Variants in SPINT1 observed in about 807,000 individuals in gnomAD.
SPINT1 encodes the protein kunitz-type protease inhibitor 1.
In SPINT1, 38 loss-of-function variants were observed where a neutral mutation model predicts 53.7. The ratio of observed to expected loss-of-function variants is 0.71; its 90% CI spans 0.55 to 0.93. The LOEUF (loss-of-function observed/expected upper bound fraction) is 0.93. Ranked by LOEUF, SPINT1 falls within the 40% of genes least tolerant of loss-of-function variation. The pLI is 0.00. For missense variants in SPINT1, 645 were observed against 692.9 expected (o/e 0.93, Z 0.78); for synonymous variants, 283 against 280.6 (o/e 1.01, Z -0.08).
At chr15:40,851,768 C>G (rs1008384327) in intron 2 of SPINT1, among the ~76,000 whole-genome samples, 7 of 152,172 alleles carry the variant, frequency 4.6e-5, no homozygotes, top group African/African-American at 1.7e-4. Context: ...TGCCTGTAAT[C>G]CCAGCACTTT....
At chr15:40,845,077 G>T (rs371381706) in intron 2 of SPINT1, 48 bp downstream of exon 2, 2 of 1,486,462 alleles carry the variant, frequency 1.3e-6, no homozygotes, top group Non-Finnish European at 1.8e-6. Flanking sequence ...TCAAAAAAGG[G>T]ACTGGTTATG....
At position 40,844,165 on chromosome 15, in the gene SPINT1, C is replaced by T; in HGVS notation, c.-87C>T. The T allele has an allele frequency of 2.3e-6, 1 of 435,312 alleles. No individual in the cohort carries two copies. Among genetic ancestry groups the T allele is most frequent in the East Asian group, 9.0e-5 (1 of 11,086 alleles). 27.0% of individuals were successfully genotyped at this position (435,312 alleles called of 1,614,324 possible). A position where few individuals can be genotyped will look rare whatever the true frequency, so the allele number is the denominator to read the frequency against. On this transcript the variant is annotated 5_prime_UTR_variant, in exon 1 of 11. Transcript: ENST00000562057. This position sits in a 1 kb window ranked among gnomAD's most constrained non-coding sequence, Gnocchi z 5.8. ...GGACCGGAACCTCGGCGGACCCGGC[C>T]CCACCCAACTCACCTGCGCAGGTAA...
intron 2 of SPINT1, among the ~76,000 whole-genome samples, chr15:40,848,767 TGAA>T (rs1472280964): frequency 6.6e-6 from 1 of 152,168 alleles, no homozygotes; most frequent in Non-Finnish European, 1.5e-5. Flanking sequence ...CAAAACAAGA[TGAA>T]GAACTCAAAT....
chr15:40,851,588 C>T lies in SPINT1; in HGVS notation c.476-1536C>T, dbSNP rs28369017. 1.1e-3 allele frequency among the ~76,000 whole-genome samples: 166 copies of T among 152,264 alleles called. 4 individuals carry two copies. In the South Asian group the frequency reaches 0.025, roughly 23 times the overall value. The stretch of plus-strand genomic sequence containing the variant: ...CCTAGCCTGCCATGGCCTCCTTTCT[C>T]TGAATGTCCACTGCCTTGTTTAGTC... On this transcript the variant is annotated intron_variant, in intron 2 of 10. Coordinates refer to ENST00000562057, the MANE Select transcript of SPINT1 (RefSeq NM_003710.4).
At chr15:40,854,026 C>A in intron 5 of SPINT1, 34 bp from the exon 6 acceptor site, 1 of 1,412,936 alleles carries the variant, frequency 7.1e-7, no homozygotes, top group Non-Finnish European at 9.5e-7. Context: ...GGAGCCTGGT[C>A]ATGCCTCCTC....
intron 2 of SPINT1, among the ~76,000 whole-genome samples, chr15:40,852,774 CA>C (rs1891498362): frequency 6.6e-6 from 1 of 150,882 alleles, no homozygotes; most frequent in Non-Finnish European, 1.5e-5. Flanking sequence ...GAGGCCGAGG[CA>C]GGAGGATTGC....
intron 2 of SPINT1, among the ~76,000 whole-genome samples, chr15:40,852,528 G>A (rs1189317723): frequency 6.6e-6 from 1 of 152,130 alleles, no homozygotes; most frequent in African/African-American, 2.4e-5. Context: ...AGTCAAGGAA[G>A]GGCGTGGCTC....
Position 40,844,730 on chromosome 15 carries a change from C to T in SPINT1, c.176C>T (p.Pro59Leu). 3.7e-6 allele frequency: 6 copies of T among 1,609,442 alleles called. No homozygotes were observed. Among genetic ancestry groups the T allele is most frequent in the Non-Finnish European group, 5.1e-6 (6 of 1,177,282 alleles). Residue 59 changes from proline to leucine, a missense_variant, in exon 2 of 11, where the codon CCT (proline) becomes CTT (leucine). Pro to Leu is a moderately conservative substitution (Grantham distance 98). Coordinates refer to ENST00000562057, the MANE Select transcript of SPINT1 (RefSeq NM_003710.4). The surrounding 1 kb of genome is among the most constrained non-coding windows in gnomAD (Gnocchi z 5.8). Reference sequence around the variant, plus strand: ...CTGAACAGCTTTACCGCCGGGGTGCCTGGCTTCGTGCTGGACACCAACGCC... The same window carrying T: ...CTGAACAGCTTTACCGCCGGGGTGCTTGGCTTCGTGCTGGACACCAACGCC... ...DCLNSFTAGVPGFVLDTNASV... is the reference protein window; with the variant it reads ...DCLNSFTAGVLGFVLDTNASV...
chr15:40,848,233 G>A (rs1232971961), intron 2 of SPINT1, among the ~76,000 whole-genome samples: 1 of 152,126 alleles, frequency 6.6e-6, no homozygotes, highest in African/African-American at 2.4e-5. Context: ...CTTCATCAAA[G>A]AGGAATCCCT....
rs906356513 is a variant in SPINT1 at position 40,857,699 on chromosome 15, T to G, written c.*724T>G. On this transcript the variant is annotated 3_prime_UTR_variant, in exon 11 of 11. Transcript: ENST00000562057. ...TGGGCCAGGAGAGGGACTAGGTTGCTGGGGGGTGATGGGACCGTCCTGTTC... is the reference window on the plus strand; with the variant it reads ...TGGGCCAGGAGAGGGACTAGGTTGCGGGGGGGTGATGGGACCGTCCTGTTC... 4 of 152,304 alleles carry G rather than the reference T, an allele frequency of 2.6e-5. No homozygotes were observed. Among genetic ancestry groups the G allele is most frequent in the African/African-American group, 9.6e-5 (4 of 41,460 alleles). The allele number at this position is 152,304 out of a possible 1,614,324, so 9.4% of individuals were successfully genotyped here.
At chr15:40,856,644 T>G in intron 10 of SPINT1, 126 bp from the exon 11 acceptor site, 1 of 1,515,358 alleles carries the variant, frequency 6.6e-7, no homozygotes, top group Non-Finnish European at 8.8e-7. Context: ...GTGGGAGGTC[T>G]GAGTCGGGTG....
intron 2 of SPINT1, among the ~76,000 whole-genome samples, chr15:40,851,616 C>T (rs1185872221): frequency 6.6e-6 from 1 of 152,218 alleles, no homozygotes; most frequent in African/African-American, 2.4e-5. Flanking sequence ...GTTTAGTCCA[C>T]GTGTTGCTTC....
At chr15:40,848,254 C>T (rs1891352724) in intron 2 of SPINT1, among the ~76,000 whole-genome samples, 1 of 152,200 alleles carries the variant, frequency 6.6e-6, no homozygotes, top group Non-Finnish European at 1.5e-5. Flanking sequence ...GAGACTCGGC[C>T]TCCTACCAGC....
Position 40,856,983 on chromosome 15 carries a change from T to A in SPINT1, c.*8T>A. Reference sequence around the variant, plus strand: ...ACCACGCGGCCCCTCTGAGCCTGGGTCTCACCGGCTCTCACCTGGCCCTGC... The same window carrying A: ...ACCACGCGGCCCCTCTGAGCCTGGGACTCACCGGCTCTCACCTGGCCCTGC... On this transcript the variant is annotated 3_prime_UTR_variant, in exon 11 of 11. Coordinates refer to ENST00000562057, the MANE Select transcript of SPINT1 (RefSeq NM_003710.4). 1 of 1,612,174 alleles carries A rather than the reference T, an allele frequency of 6.2e-7. No homozygotes were observed. The highest frequency in any genetic ancestry group is 8.5e-7 in the Non-Finnish European group (1 of 1,178,598).
At chr15:40,853,667 G>A (rs748910361) in intron 4 of SPINT1, 40 bp downstream of exon 4, 1 of 1,613,978 alleles carries the variant, frequency 6.2e-7, no homozygotes, top group Admixed American at 1.7e-5. Flanking sequence ...AGCCCCCGCT[G>A]TGCGGATTGG....
At position 40,856,967 on chromosome 15, in the gene SPINT1, C is replaced by T. The variant is rs1030760035; in HGVS notation, c.1534C>T (p.Pro512Ser). 6.2e-7 allele frequency: 1 copy of T among 1,614,038 alleles called. No homozygotes were observed. The highest frequency in any genetic ancestry group is 1.3e-5 in the African/African-American group (1 of 75,046). The change falls in exon 11 of 11, where the codon CCC (proline) becomes TCC (serine). Residue 512 changes from proline to serine, a missense_variant. Transcript: ENST00000562057. ...EHLVYNHTTR[P>S]L ...CCTGGTCTATAACCACACCACGCGG[C>T]CCCTCTGAGCCTGGGTCTCACCGGC... is the stretch of plus-strand genomic sequence containing the variant.
rs768520937 is a variant in SPINT1 at position 40,857,163 on chromosome 15, G to A, written c.*188G>A. ...ACGTCCTGAGAAAGCTCAAAGGTTT[G>A]GAAGGAGCAGAAAACCCTTGGGCCA... On this transcript the variant is annotated 3_prime_UTR_variant, in exon 11 of 11. Transcript: ENST00000562057. The A allele has an allele frequency of 1.0e-5, 8 of 776,286 alleles. No homozygotes were observed. Among genetic ancestry groups the A allele is most frequent in the Non-Finnish European group, 1.4e-5 (7 of 500,312 alleles). The allele number at this position is 776,286 out of a possible 1,614,324, so 48.1% of individuals were successfully genotyped here. A position where few individuals can be genotyped will look rare whatever the true frequency, so the allele number is the denominator to read the frequency against.
chr15:40,853,376 T>G, intron 3 of SPINT1, 113 bp from the exon 4 acceptor site: 11 of 1,600,546 alleles, frequency 6.9e-6, no homozygotes, highest in Non-Finnish European at 9.4e-6. Context: ...GAAGATGCAT[T>G]TAATCCAACT....
At position 40,854,588 on chromosome 15, in the gene SPINT1, C is replaced by A. The variant is rs369006639; in HGVS notation, c.1067-51C>A. On this transcript the variant is annotated intron_variant, in intron 7 of 10. Transcript: ENST00000562057. ...GAGGTCCTGACAGCCTTGCCCTGAA[C>A]CCCTGGGAGACCCTTGTTGGGTCTG... The A allele has an allele frequency of 2.7e-5, 44 of 1,614,158 alleles. No homozygotes were observed. The African/African-American group carries it at 4.8e-4, about 18-fold the overall frequency.
Sources: gnomAD v4.1 joint callset for allele counts (sites outside exome capture counted in the v4.1 genomes callset) on GRCh38, gnomAD v4.1.1 for gene constraint, Gnocchi (gnomAD v3.1) non-coding constraint, MANE v1.5 for transcripts, NCBI Gene and HGNC (gene_info 2026-07-23, HGNC 2026-07-21) for gene names.